NRP2: variants seen among roughly 807,000 people sequenced by gnomAD.
The protein encoded by NRP2 is neuropilin-2.
NRP2 carries 52 observed loss-of-function variants against 110.4 expected under a neutral mutation model. The observed-to-expected ratio is 0.47, with a 90% confidence interval of 0.38 to 0.59. The LOEUF (loss-of-function observed/expected upper bound fraction) is 0.59, where lower values mean the gene tolerates loss of function less well. Among genes scored for constraint, NRP2 ranks in the 20% least tolerant of loss-of-function variants. The probability of loss-of-function intolerance (pLI) is 0.00; values close to 1 mark genes in which losing one functional copy is unlikely to be tolerated. For missense variants in NRP2, 1,049 were observed against 1,203.0 expected (o/e 0.87, Z 1.89); for synonymous variants, 508 against 468.9 (o/e 1.08, Z -1.08).
intron 1 of NRP2, among the ~76,000 whole-genome samples, chr2:205,687,627 C>A (rs375265781): frequency 2.6e-5 from 4 of 152,160 alleles, no homozygotes; most frequent in South Asian, 4.1e-4. Context: ...TTATGTCATC[C>A]CATAGAGCCC....
At chr2:205,684,839 A>G (rs1177268831) in intron 1 of NRP2, among the ~76,000 whole-genome samples, 2 of 152,166 alleles carry the variant, frequency 1.3e-5, no homozygotes, top group Non-Finnish European at 1.5e-5. Flanking sequence ...TGCGTAAATT[A>G]TGTATGTTTG....
intron 3 of NRP2, among the ~76,000 whole-genome samples, chr2:205,719,536 A>ATGTG (rs142071748): frequency 1.3e-5 from 2 of 151,304 alleles, no homozygotes; most frequent in South Asian, 2.1e-4. Flanking sequence ...TCAGTGGAAA[A>ATGTG]TGTGTGTGTG....
At chr2:205,689,536 A>G (rs74428114) in intron 1 of NRP2, among the ~76,000 whole-genome samples, 4,870 of 152,298 alleles carry the variant, frequency 0.032, 259 homozygotes, top group African/African-American at 0.11. Flanking sequence ...TGAGATTTAA[A>G]AAATAATTCT....
chr2:205,718,834 T>C (rs1302044104), intron 3 of NRP2, among the ~76,000 whole-genome samples: 2 of 150,950 alleles, frequency 1.3e-5, no homozygotes, highest in Non-Finnish European at 2.9e-5. Context: ...CCCAGCTACT[T>C]GGGAGGCTGA....
intron 3 of NRP2, among the ~76,000 whole-genome samples, chr2:205,720,162 T>A (rs2056981067): frequency 6.6e-6 from 1 of 151,318 alleles, no homozygotes; most frequent in Non-Finnish European, 1.5e-5. Flanking sequence ...TTTTTCTGCA[T>A]AAAAATAGAT....
intron 15 of NRP2, among the ~76,000 whole-genome samples, chr2:205,790,834 G>T (rs1294282524): frequency 6.6e-6 from 1 of 152,182 alleles, no homozygotes; most frequent in Non-Finnish European, 1.5e-5. Context: ...GGGGAGGCTG[G>T]CGTGGCCTGC....
At chr2:205,758,195 A>G (rs556121926) in intron 12 of NRP2, among the ~76,000 whole-genome samples, 50 of 152,368 alleles carry the variant, frequency 3.3e-4, no homozygotes, top group African/African-American at 1.2e-3. Flanking sequence ...TTGGAAGGCC[A>G]GCTGAGGGCT....
chr2:205,795,954 A>G lies in NRP2; in HGVS notation c.*896A>G, dbSNP rs1575693384. ...TCCCTCCTCCATGTTCTTCTAAAAC[A>G]TATACATATATACATACACACATAC... On this transcript the variant is annotated 3_prime_UTR_variant, in exon 17 of 17. Coordinates refer to ENST00000357785, the MANE Select transcript of NRP2 (RefSeq NM_003872.3). 1 of 152,242 alleles carries G rather than the reference A, an allele frequency of 6.6e-6. No homozygotes were observed. Among genetic ancestry groups the G allele is most frequent in the African/African-American group, 2.4e-5 (1 of 41,456 alleles). The allele number at this position is 152,242 out of a possible 1,614,324, so 9.4% of individuals were successfully genotyped here.
intron 15 of NRP2, among the ~76,000 whole-genome samples, chr2:205,785,900 C>A (rs2058230955): frequency 6.6e-6 from 1 of 152,240 alleles, no homozygotes; most frequent in East Asian, 1.9e-4. Context: ...CACCAAGCCC[C>A]CTCCTTTTTT....
chr2:205,719,126 T>C (rs1042193558), intron 3 of NRP2, among the ~76,000 whole-genome samples: 2 of 152,054 alleles, frequency 1.3e-5, no homozygotes, highest in South Asian at 2.1e-4. Context: ...ATGAAAGAAA[T>C]GGGTGGACAT....
chr2:205,724,386 T>C (rs183765369), intron 5 of NRP2, among the ~76,000 whole-genome samples: 178 of 152,320 alleles, frequency 1.2e-3, no homozygotes, highest in South Asian at 3.7e-3. Context: ...CTGGATTTTT[T>C]GACATTAACC....
At chr2:205,780,276 T>G (rs2058159643) in intron 15 of NRP2, among the ~76,000 whole-genome samples, 1 of 152,164 alleles carries the variant, frequency 6.6e-6, no homozygotes, top group African/African-American at 2.4e-5. Context: ...GAACAGGTAA[T>G]GAAGATAATT....
chr2:205,742,953 G>A (rs1268479001), intron 8 of NRP2, among the ~76,000 whole-genome samples: 1 of 152,206 alleles, frequency 6.6e-6, no homozygotes, highest in African/African-American at 2.4e-5. Flanking sequence ...GGAAACTGAG[G>A]CAAAGAGCAA....
chr2:205,787,718 CTGTGTG>C (rs60558986), intron 15 of NRP2, among the ~76,000 whole-genome samples: 21,697 of 144,080 alleles, frequency 0.15, 1,675 homozygotes, highest in South Asian at 0.34. Context: ...AAAAAAGTGT[CTGTGTG>C]TGTGTGTGTG....
chr2:205,741,870 A>G (rs1261327239), intron 8 of NRP2, among the ~76,000 whole-genome samples: 1 of 152,200 alleles, frequency 6.6e-6, no homozygotes, highest in Non-Finnish European at 1.5e-5. Context: ...AGGGACTGAT[A>G]AGGAAACCAA....
At chr2:205,737,172 C>T (rs747822415) in intron 7 of NRP2, among the ~76,000 whole-genome samples, 4 of 152,318 alleles carry the variant, frequency 2.6e-5, no homozygotes, top group South Asian at 2.1e-4. Context: ...AAGGTATAGT[C>T]GCCCTGTGAA....
intron 7 of NRP2, among the ~76,000 whole-genome samples, chr2:205,730,222 C>A (rs1193180358): frequency 6.6e-6 from 1 of 152,230 alleles, no homozygotes; most frequent in African/African-American, 2.4e-5. Context: ...GTTCAGATAT[C>A]TGTATTTAAT....
At chr2:205,761,071 T>A (rs1254129386) in intron 12 of NRP2, among the ~76,000 whole-genome samples, 1 of 152,208 alleles carries the variant, frequency 6.6e-6, no homozygotes, top group Non-Finnish European at 1.5e-5. Context: ...AGCCACCTTG[T>A]CATTACTGGT....
intron 9 of NRP2, among the ~76,000 whole-genome samples, chr2:205,744,062 T>C (rs1026336195): frequency 1.3e-5 from 2 of 152,104 alleles, no homozygotes; most frequent in Non-Finnish European, 2.9e-5. Flanking sequence ...TTTTTAATCG[T>C]TACAACATCT....
Sources: allele counts gnomAD v4.1 joint callset (sites outside exome capture counted in the v4.1 genomes callset), GRCh38; gene constraint gnomAD v4.1.1; transcripts MANE v1.5; gene names NCBI Gene and HGNC (gene_info 2026-07-23, HGNC 2026-07-21).